The following UBE2E3 variants were observed in gnomAD, a reference collection of about 807,000 sequenced individuals.
UBE2E3 encodes the protein ubiquitin-conjugating enzyme E2 E3.
UBE2E3 carries 5 observed loss-of-function variants against 23.6 expected under a neutral mutation model. The observed-to-expected ratio is 0.21, with a 90% confidence interval of 0.11 to 0.44. The LOEUF (loss-of-function observed/expected upper bound fraction) is 0.44, where lower values mean the gene tolerates loss of function less well. UBE2E3 is among the 20% of genes least tolerant of loss of function. UBE2E3 has a pLI of 0.99. For missense variants in UBE2E3, 81 were observed against 249.8 expected (o/e 0.32, Z 4.55); for synonymous variants, 78 against 87.5 (o/e 0.89, Z 0.60).
chr2:181,040,297 G>A (rs1414961392), intron 3 of UBE2E3, among the ~76,000 whole-genome samples: 1 of 152,176 alleles, frequency 6.6e-6, no homozygotes, highest in Non-Finnish European at 1.5e-5. Context: ...CCTGTCTCTA[G>A]TTCTGCACAT....
chr2:181,008,511 A>C (rs1026900728), intron 3 of UBE2E3, among the ~76,000 whole-genome samples: 2 of 152,214 alleles, frequency 1.3e-5, no homozygotes, highest in African/African-American at 2.4e-5. Context: ...GTGCATTTCT[A>C]GTTCTGGCTG....
intron 3 of UBE2E3, among the ~76,000 whole-genome samples, chr2:181,038,830 C>T (rs1373348620): frequency 6.6e-6 from 1 of 152,132 alleles, no homozygotes; most frequent in East Asian, 1.9e-4. Context: ...GGTGCTTACA[C>T]ATCATTAGTC....
chr2:181,041,234 C>CAG (rs1415903327), intron 3 of UBE2E3, among the ~76,000 whole-genome samples: 1 of 77,196 alleles, frequency 1.3e-5, no homozygotes, highest in Non-Finnish European at 2.4e-5. Context: ...GACTCCGTCT[C>CAG]AAAAAAAAAA....
chr2:181,049,398 TTGTG>T (rs1156939746), intron 3 of UBE2E3, among the ~76,000 whole-genome samples: 1 of 152,044 alleles, frequency 6.6e-6, no homozygotes, highest in Non-Finnish European at 1.5e-5. Flanking sequence ...GGATGTGTGT[TTGTG>T]TGTGTTTTTT....
intron 3 of UBE2E3, among the ~76,000 whole-genome samples, chr2:181,005,833 A>G (rs1300713821): frequency 2.6e-5 from 4 of 152,220 alleles, no homozygotes; most frequent in East Asian, 3.8e-4. Context: ...AAGGATGTTT[A>G]TAAAGGGTCA....
chr2:180,986,617 G>T (rs1483423092), intron 3 of UBE2E3, among the ~76,000 whole-genome samples: 1 of 152,040 alleles, frequency 6.6e-6, no homozygotes, highest in African/African-American at 2.4e-5. Flanking sequence ...AATTAAAAAT[G>T]GAATCTATAT....
At chr2:181,003,191 A>G (rs1190214846) in intron 3 of UBE2E3, among the ~76,000 whole-genome samples, 1 of 152,242 alleles carries the variant, frequency 6.6e-6, no homozygotes, top group African/African-American at 2.4e-5. Flanking sequence ...TAAGGAGCTT[A>G]TATTAGCCTA....
chr2:181,025,042 T>G (rs1442511509), intron 3 of UBE2E3, among the ~76,000 whole-genome samples: 1 of 152,002 alleles, frequency 6.6e-6, no homozygotes, highest in African/African-American at 2.4e-5. Context: ...ACTATAAGCC[T>G]TTCATGTGGC....
At chr2:181,037,580 A>G (rs1686336874) in intron 3 of UBE2E3, among the ~76,000 whole-genome samples, 1 of 152,226 alleles carries the variant, frequency 6.6e-6, no homozygotes, top group African/African-American at 2.4e-5. Context: ...GACAAATACA[A>G]AGGAAAATAT....
intron 3 of UBE2E3, chr2:180,990,131 C>A: frequency 1.2e-6 from 1 of 831,720 alleles, no homozygotes; most frequent in Non-Finnish European, 1.8e-6. Context: ...GCCTTTTGAT[C>A]AGTGGTTCTC....
At chr2:181,049,022 A>G (rs1273132607) in intron 3 of UBE2E3, among the ~76,000 whole-genome samples, 3 of 152,056 alleles carry the variant, frequency 2.0e-5, no homozygotes, top group African/African-American at 7.2e-5. Flanking sequence ...CAGCTGAGAG[A>G]ATAGCGGCAA....
chr2:181,026,514 ATT>A (rs776158592), intron 3 of UBE2E3, among the ~76,000 whole-genome samples: 2,293 of 138,918 alleles, frequency 0.017, 55 homozygotes, highest in African/African-American at 0.056. Context: ...TCTTTCAACT[ATT>A]TTTTTTTTTT....
intron 3 of UBE2E3, among the ~76,000 whole-genome samples, chr2:181,021,565 T>TCCC (rs1173289757): frequency 1.0e-4 from 12 of 118,954 alleles, no homozygotes; most frequent in Non-Finnish European, 1.9e-4. Context: ...CCTTCCTTCC[T>TCCC]TCCTTCCTCC....
At chr2:180,993,830 T>A (rs773685223) in intron 3 of UBE2E3, among the ~76,000 whole-genome samples, 5 of 152,198 alleles carry the variant, frequency 3.3e-5, no homozygotes, top group African/African-American at 4.8e-5. Flanking sequence ...GTAGTCTTCT[T>A]AATTTAAACA....
chr2:181,021,554 C>CCCTT (rs749212211), intron 3 of UBE2E3, among the ~76,000 whole-genome samples: 1,434 of 46,606 alleles, frequency 0.031, 37 homozygotes, highest in Middle Eastern at 0.052. Flanking sequence ...TAAATATACT[C>CCCTT]CCTTCCTTCC....
At chr2:181,004,419 G>A (rs1381950297) in intron 3 of UBE2E3, among the ~76,000 whole-genome samples, 1 of 152,134 alleles carries the variant, frequency 6.6e-6, no homozygotes, top group Non-Finnish European at 1.5e-5. Context: ...CAGATCACGA[G>A]GTCAAGAGAT....
Position 181,042,944 on chromosome 2 carries a change from C to A in UBE2E3, c.246-14749C>A, listed in dbSNP as rs527843772. On this transcript the variant is annotated intron_variant, in intron 3 of 5. Coordinates refer to ENST00000410062, the MANE Select transcript of UBE2E3 (RefSeq NM_006357.4). ...ATCTTGTGTGATTTCCAAGCCTTTT[C>A]AATACAGTTTACTGCTTCCTCTTTT... is the stretch of plus-strand genomic sequence containing the variant. Among the ~76,000 whole-genome samples the A allele has an allele frequency of 2.0e-5, 3 of 152,232 alleles. No homozygotes were observed. In the East Asian group the frequency reaches 5.8e-4, roughly 29 times the overall value.
intron 3 of UBE2E3, among the ~76,000 whole-genome samples, chr2:181,041,200 A>G (rs1184686201): frequency 7.1e-6 from 1 of 140,498 alleles, no homozygotes; most frequent in African/African-American, 2.7e-5. Context: ...GTGAGCCGAG[A>G]TCATGCCACT....
chr2:181,015,122 G>T (rs970462683), intron 3 of UBE2E3, among the ~76,000 whole-genome samples: 1 of 152,054 alleles, frequency 6.6e-6, no homozygotes, highest in Non-Finnish European at 1.5e-5. Flanking sequence ...GATGGAAGGG[G>T]TTCACAACTT....
Sources: allele counts gnomAD v4.1 joint callset (sites outside exome capture counted in the v4.1 genomes callset), GRCh38; gene constraint gnomAD v4.1.1; transcripts MANE v1.5; gene names NCBI Gene and HGNC (gene_info 2026-07-23, HGNC 2026-07-21).